Variants in MAGT1 observed in about 807,000 individuals in gnomAD.
MAGT1 encodes the protein magnesium transporter 1.
Under a neutral mutation model 28.4 loss-of-function variants are expected in MAGT1, and 4 were observed. That is an observed-to-expected ratio of 0.14 (90% confidence interval 0.07 to 0.32). The LOEUF is 0.32. MAGT1 is among the 10% of genes least tolerant of loss of function. The pLI is 1.00. For synonymous variants in MAGT1, 89 were observed against 89.7 expected (o/e 0.99, Z 0.04); for missense variants, 193 against 264.5 (o/e 0.73, Z 1.88).
At chrX:77,833,372 C>T (rs1385890763) in intron 8 of MAGT1, among the ~76,000 whole-genome samples, 2 of 112,370 alleles carry the variant, frequency 1.8e-5, no homozygotes, top group African/African-American at 6.5e-5. Context: ...TTACAGCACT[C>T]TGTTTTCAGT....
chrX:77,870,730 T>C (rs782772687), intron 3 of MAGT1, 78 bp downstream of exon 3: 4 of 700,679 alleles, frequency 5.7e-6, no homozygotes, highest in Middle Eastern at 3.0e-4. Context: ...TAATGTCTTA[T>C]AGCCACTGAA....
At chrX:77,860,419 A>C (rs2076991962) in intron 3 of MAGT1, among the ~76,000 whole-genome samples, 1 of 111,888 alleles carries the variant, frequency 8.9e-6, no homozygotes, top group Non-Finnish European at 1.9e-5. Flanking sequence ...CGATACAATC[A>C]ACAGAGTAGA....
chrX:77,844,609 C>T (rs1471555471), intron 7 of MAGT1, among the ~76,000 whole-genome samples: 2 of 111,175 alleles, frequency 1.8e-5, no homozygotes, highest in African/African-American at 3.3e-5. Flanking sequence ...CCTCTACACA[C>T]TGGTTTAAAT....
intron 1 of MAGT1, among the ~76,000 whole-genome samples, chrX:77,894,605 G>A (rs2077093444): frequency 8.9e-6 from 1 of 111,740 alleles, no homozygotes; most frequent in Admixed American, 9.6e-5. Flanking sequence ...AAGAGTATAG[G>A]ACTCCAAATC....
chrX:77,833,602 T>C (rs1375562537), intron 8 of MAGT1, among the ~76,000 whole-genome samples: 1 of 111,786 alleles, frequency 8.9e-6, no homozygotes, highest in Non-Finnish European at 1.9e-5. Flanking sequence ...AACTCTATGA[T>C]GAAAACTATA....
At chrX:77,882,063 T>C (rs1557218510) in intron 1 of MAGT1, among the ~76,000 whole-genome samples, 1 of 112,080 alleles carries the variant, frequency 8.9e-6, no homozygotes, top group Non-Finnish European at 1.9e-5. Flanking sequence ...ATTATCTCAA[T>C]AGATGCAGAA....
At chrX:77,877,322 T>C (rs2077038173) in intron 1 of MAGT1, among the ~76,000 whole-genome samples, 1 of 107,317 alleles carries the variant, frequency 9.3e-6, no homozygotes, top group Admixed American at 1.0e-4. Context: ...CGAAACCCAG[T>C]CTCTACTAAA....
intron 7 of MAGT1, 56 bp from the exon 8 acceptor site, chrX:77,841,376 A>G: frequency 1.2e-6 from 1 of 817,841 alleles, no homozygotes; most frequent in Non-Finnish European, 1.9e-6. Context: ...ATACCATTTT[A>G]CTATTTCCAG....
intron 3 of MAGT1, among the ~76,000 whole-genome samples, chrX:77,865,208 G>A (rs908101263): frequency 1.8e-5 from 2 of 111,742 alleles, no homozygotes; most frequent in Admixed American, 9.6e-5. Context: ...AACATTTACC[G>A]AATACCCGTT....
chrX:77,847,424 C>T (rs1336893462), intron 7 of MAGT1, among the ~76,000 whole-genome samples: 14 of 111,789 alleles, frequency 1.3e-4, no homozygotes, highest in African/African-American at 3.2e-4. Flanking sequence ...ACGCTCAGTG[C>T]GCTGCATCCA....
intron 1 of MAGT1, among the ~76,000 whole-genome samples, chrX:77,887,262 T>C (rs1157935481): frequency 9.0e-6 from 1 of 111,177 alleles, no homozygotes; most frequent in African/African-American, 3.3e-5. Flanking sequence ...GCTTGGTTAT[T>C]TTCTTTTATT....
At chrX:77,841,410 G>C (rs782328903) in intron 7 of MAGT1, 90 bp from the exon 8 acceptor site, 4 of 650,419 alleles carry the variant, frequency 6.1e-6, no homozygotes, top group Non-Finnish European at 1.0e-5. Flanking sequence ...AAATTAAAAT[G>C]AATATATAAA....
intron 2 of MAGT1, 115 bp downstream of exon 2, chrX:77,875,313 A>G (rs782030850): frequency 1.5e-6 from 1 of 660,639 alleles, no homozygotes; most frequent in Non-Finnish European, 2.5e-6. Context: ...AGACATCCTG[A>G]GTAAGGTATA....
intron 8 of MAGT1, among the ~76,000 whole-genome samples, chrX:77,833,233 G>A (rs781984670): frequency 8.9e-6 from 1 of 112,313 alleles, no homozygotes; most frequent in Admixed American, 9.5e-5. Context: ...AACATTACAC[G>A]TGGAATGCTA....
intron 4 of MAGT1, 50 bp from the exon 5 acceptor site, chrX:77,856,923 A>G (rs782009313): frequency 1.2e-5 from 12 of 1,032,918 alleles, no homozygotes; most frequent in Non-Finnish European, 8.1e-6. Flanking sequence ...TTTTTTACTA[A>G]TTATATGGGT....
chrX:77,828,955 C>A lies in MAGT1; in HGVS notation c.*265G>T. ...GTAGTTTTACAATTTTTATAATATA[C>A]TTAATTGTACTAAATTAAATGTTCC... On this transcript the variant is annotated 3_prime_UTR_variant, in exon 10 of 10. Transcript: ENST00000618282. 2.4e-5 allele frequency: 6 copies of A among 255,245 alleles called. No homozygotes were observed. Among genetic ancestry groups the A allele is most frequent in the African/African-American group, 2.8e-5 (1 of 36,028 alleles). 21.0% of individuals were successfully genotyped at this position (255,245 alleles called of 1,213,427 possible). A position where few individuals can be genotyped will look rare whatever the true frequency, so the allele number is the denominator to read the frequency against.
At chrX:77,851,896 C>T (rs989235433) in intron 7 of MAGT1, among the ~76,000 whole-genome samples, 5 of 110,054 alleles carry the variant, frequency 4.5e-5, no homozygotes, top group Non-Finnish European at 9.5e-5. Context: ...AGTCTTCCCC[C>T]GCCCCGCCGC....
intron 8 of MAGT1, among the ~76,000 whole-genome samples, chrX:77,834,957 C>CTT (rs1217379123): frequency 2.1e-5 from 2 of 96,655 alleles, no homozygotes; most frequent in African/African-American, 3.7e-5. Flanking sequence ...AACATAAAAT[C>CTT]TTTTTTTTTT....
intron 7 of MAGT1, among the ~76,000 whole-genome samples, chrX:77,842,527 AT>A (rs2076937875): frequency 8.9e-6 from 1 of 111,969 alleles, no homozygotes; most frequent in East Asian, 2.8e-4. Flanking sequence ...TCCTATTCTA[AT>A]AAAAAAGAAA....
Sources: allele counts gnomAD v4.1 joint callset (sites outside exome capture counted in the v4.1 genomes callset), GRCh38; gene constraint gnomAD v4.1.1; transcripts MANE v1.5; gene names NCBI Gene and HGNC (gene_info 2026-07-23, HGNC 2026-07-21).